Variants in VAV3 observed in about 807,000 individuals in gnomAD.
The protein encoded by VAV3 is vav guanine nucleotide exchange factor 3.
A neutral mutation model predicts 131.2 loss-of-function variants in VAV3; 94 were observed. That is an observed-to-expected ratio of 0.72 (90% CI 0.61 to 0.85). The LOEUF is 0.85. Ranked by LOEUF, VAV3 falls within the 40% of genes least tolerant of loss-of-function variation. VAV3 has a pLI of 0.00. For synonymous variants in VAV3, 349 were observed against 342.0 expected (o/e 1.02, Z -0.22); for missense variants, 939 against 1,002.7 (o/e 0.94, Z 0.86).
At chr1:107,954,309 G>A (rs1468735375) in intron 1 of VAV3, among the ~76,000 whole-genome samples, 1 of 152,162 alleles carries the variant, frequency 6.6e-6, no homozygotes, top group Non-Finnish European at 1.5e-5. Context: ...CCAGAACAGA[G>A]CATTAAACCA....
intron 2 of VAV3, among the ~76,000 whole-genome samples, chr1:107,866,928 A>G (rs938161395): frequency 1.3e-5 from 2 of 149,252 alleles, no homozygotes; most frequent in African/African-American, 4.9e-5. Context: ...TCTCCAAAGG[A>G]AAAAAAAAAG....
rs1278960041 is a variant in VAV3 at position 107,838,307 on chromosome 1, A to C, written c.321+36594T>G. Among the ~76,000 whole-genome samples the C allele has an allele frequency of 2.0e-5, 3 of 152,196 alleles. No homozygotes were observed. In the East Asian group the frequency reaches 5.8e-4, roughly 29 times the overall value. On this transcript the variant is annotated intron_variant, in intron 2 of 26. Transcript: ENST00000370056. ...AAAAGTGAGCAAAGGACATGAACAG[A>C]CCCTTCTCAAAAGAGAACACACAAG...
At chr1:107,693,887 T>C (rs762632616) in intron 17 of VAV3, among the ~76,000 whole-genome samples, 2 of 152,158 alleles carry the variant, frequency 1.3e-5, no homozygotes, top group Non-Finnish European at 2.9e-5. Flanking sequence ...GTTGAAGCCA[T>C]GTGACTAGTT....
chr1:107,661,969 A>G (rs1402941805), intron 19 of VAV3, among the ~76,000 whole-genome samples: 3 of 152,182 alleles, frequency 2.0e-5, no homozygotes, highest in Non-Finnish European at 4.4e-5. Flanking sequence ...CTAAATGAAC[A>G]ATTATTACTT....
chr1:107,672,555 G>C (rs1171497986), intron 19 of VAV3, among the ~76,000 whole-genome samples: 1 of 151,724 alleles, frequency 6.6e-6, no homozygotes, highest in Non-Finnish European at 1.5e-5. Context: ...CTGTAACTTT[G>C]ACTCCTGGTA....
chr1:107,897,041 T>C (rs532011657), intron 1 of VAV3, among the ~76,000 whole-genome samples: 1 of 151,614 alleles, frequency 6.6e-6, no homozygotes, highest in Non-Finnish European at 1.5e-5. Flanking sequence ...CACAATAAGG[T>C]TTAAACAGTA....
In VAV3 at chr1:107,734,848, C is replaced by T. The variant is rs943049402; in HGVS notation, c.1502+14120G>A. ...CCAGGACTTGAACTCAGCAATGCACCAAGCAGACCTAATAGACATCTACAG... is the reference window on the plus strand; with the variant it reads ...CCAGGACTTGAACTCAGCAATGCACTAAGCAGACCTAATAGACATCTACAG... On this transcript the variant is annotated intron_variant, in intron 15 of 26. Transcript: ENST00000370056. 3.9e-5 allele frequency among the ~76,000 whole-genome samples: 6 copies of T among 152,156 alleles called. No homozygotes were observed. In the South Asian group the frequency reaches 6.2e-4, roughly 16 times the overall value.
chr1:107,921,526 G>A (rs1672897830), intron 1 of VAV3, among the ~76,000 whole-genome samples: 1 of 152,160 alleles, frequency 6.6e-6, no homozygotes, highest in Non-Finnish European at 1.5e-5. Flanking sequence ...CATACGGCCT[G>A]GACACAGTAA....
At chr1:107,590,657 G>A (rs1395477233) in intron 25 of VAV3, among the ~76,000 whole-genome samples, 1 of 152,070 alleles carries the variant, frequency 6.6e-6, no homozygotes, top group African/African-American at 2.4e-5. Context: ...TATCTCTTCT[G>A]TTTCCTGGAT....
intron 2 of VAV3, among the ~76,000 whole-genome samples, chr1:107,827,812 G>A (rs1024632077): frequency 1.3e-5 from 2 of 152,058 alleles, no homozygotes; most frequent in East Asian, 3.8e-4. Context: ...TTTAATAAAG[G>A]ACCTTATGAG....
chr1:107,779,595 A>G lies in VAV3; in HGVS notation c.322-103T>C, dbSNP rs1665571974. ...TAATATTAACCATAGCAGCAGAAAC[A>G]TAAATTTGCAGGTGTCAAAGATGTG... On this transcript the variant is annotated intron_variant, in intron 2 of 26. Coordinates refer to ENST00000370056, the MANE Select transcript of VAV3 (RefSeq NM_006113.5). 6.2e-6 allele frequency: 5 copies of G among 804,842 alleles called. No homozygotes were observed. In the East Asian group the frequency reaches 1.3e-4, roughly 21 times the overall value. The allele number at this position is 804,842 out of a possible 1,614,324, so 49.9% of individuals were successfully genotyped here. A position where few individuals can be genotyped will look rare whatever the true frequency, so the allele number is the denominator to read the frequency against.
intron 2 of VAV3, among the ~76,000 whole-genome samples, chr1:107,784,501 T>A (rs1268442611): frequency 6.6e-6 from 1 of 152,208 alleles, no homozygotes; most frequent in African/African-American, 2.4e-5. Context: ...TTAAATGGGA[T>A]GACTAGGACA....
At chr1:107,632,248 A>C (rs1270889820) in intron 20 of VAV3, among the ~76,000 whole-genome samples, 2 of 152,162 alleles carry the variant, frequency 1.3e-5, no homozygotes, top group Non-Finnish European at 2.9e-5. Context: ...GGTTTTATAA[A>C]ATCTACTTAT....
Position 107,869,416 on chromosome 1 carries a change from A to G in VAV3, c.321+5485T>C, listed in dbSNP as rs1274637280. ...TACCAATGAATCCCACAATCATTAA[A>G]AATAATAATAGTGATAATAACATTA... On this transcript the variant is annotated intron_variant, in intron 2 of 26. Transcript: ENST00000370056. Among the ~76,000 whole-genome samples, 6 of 152,180 alleles carry G rather than the reference A, an allele frequency of 3.9e-5. No homozygotes were observed. The East Asian group carries it at 1.2e-3, about 29-fold the overall frequency.
chr1:107,612,230 T>C (rs777014930), intron 21 of VAV3, among the ~76,000 whole-genome samples: 10 of 151,486 alleles, frequency 6.6e-5, no homozygotes, highest in African/African-American at 9.7e-5. Context: ...TTATGTGTGC[T>C]TCTTCCTGAA....
chr1:107,814,051 G>A lies in VAV3; in HGVS notation c.322-34559C>T, dbSNP rs576179922. On this transcript the variant is annotated intron_variant, in intron 2 of 26. Coordinates refer to ENST00000370056, the MANE Select transcript of VAV3 (RefSeq NM_006113.5). ...TGTTTTCTTTACCCATTTATCTGTT[G>A]ACAGGTAAACATTTAGGTTGATTCC... Among the ~76,000 whole-genome samples the A allele has an allele frequency of 2.0e-5, 3 of 148,418 alleles. No individual in the cohort carries two copies. The Admixed American group carries it at 2.0e-4, about 10-fold the overall frequency.
At chr1:107,917,208 C>T (rs1443611387) in intron 1 of VAV3, among the ~76,000 whole-genome samples, 2 of 152,134 alleles carry the variant, frequency 1.3e-5, no homozygotes, top group African/African-American at 4.8e-5. Context: ...AGAACCTGTA[C>T]TCAAGCATCA....
At chr1:107,822,556 G>A (rs1667839466) in intron 2 of VAV3, among the ~76,000 whole-genome samples, 1 of 151,924 alleles carries the variant, frequency 6.6e-6, no homozygotes, top group African/African-American at 2.4e-5. Context: ...TTGGGAGGCT[G>A]AGGCAGGAGA....
Position 107,964,843 on chromosome 1 carries a change from C to T in VAV3, c.27G>A (p.Gln9=). Residue 9 remains glutamine, a synonymous_variant, in exon 1 of 27, where the codon CAG becomes CAA. Transcript: ENST00000370056. MEPWKQCA[Q]WLIHCKVLPT... is the part of the protein sequence containing the mutation. Reference sequence around the variant, plus strand: ...GCAGCACCTTGCAATGGATGAGCCACTGCGCGCACTGCTTCCACGGCTCCA... The same window carrying T: ...GCAGCACCTTGCAATGGATGAGCCATTGCGCGCACTGCTTCCACGGCTCCA... 2 of 1,609,738 alleles carry T rather than the reference C, an allele frequency of 1.2e-6. No homozygotes were observed. Among genetic ancestry groups the T allele is most frequent in the Non-Finnish European group, 1.7e-6 (2 of 1,178,082 alleles).
Sources: allele counts gnomAD v4.1 joint callset (sites outside exome capture counted in the v4.1 genomes callset), GRCh38; gene constraint gnomAD v4.1.1; transcripts MANE v1.5; gene names NCBI Gene and HGNC (gene_info 2026-07-23, HGNC 2026-07-21).